The following CCDC102B variants were observed in gnomAD, a reference collection of about 807,000 sequenced individuals.
CCDC102B encodes the protein coiled-coil domain containing 102B.
Under a neutral mutation model 57.4 loss-of-function variants are expected in CCDC102B, and 75 were observed. The ratio of observed to expected loss-of-function variants is 1.31; its 90% CI spans 1.08 to 1.58. CCDC102B has a LOEUF of 1.58. CCDC102B is among the 40% of genes most tolerant of loss of function. The probability of loss-of-function intolerance (pLI) is 0.00; values close to 1 mark genes in which losing one functional copy is unlikely to be tolerated. For missense variants in CCDC102B, 636 were observed against 582.6 expected, an observed-to-expected ratio of 1.09 and a Z score of -0.94; for synonymous variants, 206 against 201.9, an observed-to-expected ratio of 1.02 and a Z score of -0.17.
In CCDC102B at chr18:68,798,138, G is replaced by C. The variant is rs1396186020; in HGVS notation, c.-59G>C. ...GCAGGAAATTCTGTTGTTTACACAT[G>C]TGGCTGCAACTGAGACACTGGAGCA... On this transcript the variant is annotated 5_prime_UTR_variant, in exon 1 of 8. It removes an upstream start codon present in the reference 5' UTR. Transcript: ENST00000360242. The C allele has an allele frequency of 6.6e-6, 1 of 152,174 alleles. No homozygotes were observed. The highest frequency in any genetic ancestry group is 1.5e-5 in the Non-Finnish European group (1 of 68,042). The allele number at this position is 152,174 out of a possible 1,614,324, so 9.4% of individuals were successfully genotyped here.
chr18:68,998,999 T>TATAG (rs2051122947), intron 6 of CCDC102B, among the ~76,000 whole-genome samples: 5 of 43,344 alleles, frequency 1.2e-4, no homozygotes, highest in African/African-American at 3.9e-4. Flanking sequence ...TATATATATA[T>TATAG]AGAGAGAGAG....
intron 5 of CCDC102B, among the ~76,000 whole-genome samples, chr18:68,880,609 A>G (rs1397554668): frequency 6.6e-6 from 1 of 152,162 alleles, no homozygotes; most frequent in Admixed American, 6.5e-5. Context: ...CAACAACTCT[A>G]CTTTCAGGGT....
At chr18:68,746,125 G>C (rs941883145) in intron 2 of CCDC102B, among the ~76,000 whole-genome samples, 7 of 152,164 alleles carry the variant, frequency 4.6e-5, no homozygotes, top group Non-Finnish European at 1.0e-4. Context: ...TGCAACGCAT[G>C]ACATCTTGTC....
At chr18:68,803,902 T>G (rs994080508) in intron 1 of CCDC102B, among the ~76,000 whole-genome samples, 1 of 152,186 alleles carries the variant, frequency 6.6e-6, no homozygotes, top group Admixed American at 6.5e-5. Flanking sequence ...AACCACTTTA[T>G]TCTGAGTTTG....
chr18:68,833,383 G>GT (rs11290357), intron 1 of CCDC102B, among the ~76,000 whole-genome samples: 44,407 of 142,282 alleles, frequency 0.31, 7,316 homozygotes, highest in Non-Finnish European at 0.39. Context: ...TGCTTTTCCT[G>GT]TTTTTTTTTT....
At chr18:68,884,002 CA>C (rs756087139) in intron 5 of CCDC102B, among the ~76,000 whole-genome samples, 5 of 151,992 alleles carry the variant, frequency 3.3e-5, no homozygotes, top group Non-Finnish European at 7.4e-5. Flanking sequence ...AGAAAAGTAT[CA>C]GTAGAAAAGA....
At chr18:69,007,793 C>T (rs932125375) in intron 6 of CCDC102B, among the ~76,000 whole-genome samples, 4 of 152,200 alleles carry the variant, frequency 2.6e-5, no homozygotes, top group African/African-American at 9.6e-5. Context: ...AACATGAATG[C>T]CAGGGCTCTG....
At chr18:68,762,186 A>G (rs1351209639) in intron 2 of CCDC102B, among the ~76,000 whole-genome samples, 1 of 152,138 alleles carries the variant, frequency 6.6e-6, no homozygotes, top group Non-Finnish European at 1.5e-5. Flanking sequence ...GTGTGCCATC[A>G]TGGGTAGCAT....
intron 6 of CCDC102B, among the ~76,000 whole-genome samples, chr18:68,910,268 G>A (rs1599674510): frequency 6.6e-6 from 1 of 152,186 alleles, no homozygotes; most frequent in East Asian, 1.9e-4. Context: ...ACTCCAGCCT[G>A]GGCAACAGAG....
chr18:68,910,800 G>A (rs1599675261), intron 6 of CCDC102B, among the ~76,000 whole-genome samples: 1 of 152,090 alleles, frequency 6.6e-6, no homozygotes, highest in South Asian at 2.1e-4. Flanking sequence ...TTCTTCTTTA[G>A]GCATTACAGT....
rs933893863 is a variant in CCDC102B at position 68,993,342 on chromosome 18, A to T, written c.1264-17592A>T. On this transcript the variant is annotated intron_variant, in intron 6 of 7. Coordinates refer to ENST00000360242, the MANE Select transcript of CCDC102B (RefSeq NM_024781.3). ...TGACCCGCACCCAAGGGACTCTGCTAACTATCAAACACAGTGAAGGCATCA... is the reference window on the plus strand; with the variant it reads ...TGACCCGCACCCAAGGGACTCTGCTTACTATCAAACACAGTGAAGGCATCA... The T allele has an allele frequency of 2.0e-5, 3 of 152,270 alleles. No individual in the cohort carries two copies. In the South Asian group the frequency reaches 6.2e-4, roughly 31 times the overall value. 9.4% of individuals were successfully genotyped at this position (152,270 alleles called of 1,614,324 possible).
At chr18:68,851,223 T>G (rs2038109231) in intron 4 of CCDC102B, among the ~76,000 whole-genome samples, 1 of 152,200 alleles carries the variant, frequency 6.6e-6, no homozygotes, top group Non-Finnish European at 1.5e-5. Flanking sequence ...AGTAGTTGAC[T>G]TCCTGGACTT....
At chr18:68,871,637 T>C (rs2039242579) in intron 4 of CCDC102B, among the ~76,000 whole-genome samples, 1 of 152,128 alleles carries the variant, frequency 6.6e-6, no homozygotes. Context: ...CTTATTATTT[T>C]TTATTTATTT....
chr18:68,911,237 A>G (rs142267189), intron 6 of CCDC102B, among the ~76,000 whole-genome samples: 2,798 of 152,332 alleles, frequency 0.018, 102 homozygotes, highest in African/African-American at 0.063. Context: ...CATACACATC[A>G]TGGAATACTA....
chr18:69,051,622 T>G (rs2052707397), intron 7 of CCDC102B, among the ~76,000 whole-genome samples: 1 of 151,978 alleles, frequency 6.6e-6, no homozygotes, highest in African/African-American at 2.4e-5. Context: ...CTATTGTATG[T>G]AAAACTTTAT....
intron 2 of CCDC102B, among the ~76,000 whole-genome samples, chr18:68,757,800 T>C (rs2034104930): frequency 6.6e-6 from 1 of 152,224 alleles, no homozygotes; most frequent in South Asian, 2.1e-4. Context: ...TTTAATGTTC[T>C]GAAGAGGAAG....
intron 6 of CCDC102B, among the ~76,000 whole-genome samples, chr18:68,925,175 A>C (rs1015757451): frequency 6.6e-6 from 1 of 152,090 alleles, no homozygotes; most frequent in South Asian, 2.1e-4. Context: ...GACAAAATGT[A>C]TTACAAAATA....
chr18:69,011,115 A>G lies in CCDC102B; in HGVS notation c.1434+11A>G. 1.2e-6 allele frequency: 2 copies of G among 1,609,664 alleles called. No homozygotes were observed. Among genetic ancestry groups the G allele is most frequent in the Non-Finnish European group, 1.7e-6 (2 of 1,177,672 alleles). On this transcript the variant is annotated intron_variant, in intron 7 of 7. Transcript: ENST00000360242. ...CAAAAAGAAGATGAGGTACTACTTT[A>G]TGAGTGAACACGTGCTGGACAGCTT...
At chr18:69,056,636 A>AATAGATAGATGGATAG (rs199709516), downstream of CCDC102B, among the ~76,000 whole-genome samples, 6 of 121,918 alleles carry the variant, frequency 4.9e-5, no homozygotes, top group East Asian at 2.4e-4. Context: ...ATAGATAGAT[A>AATAGATAGATGGATAG]ATAGATAGAT....
Sources: gnomAD v4.1 joint callset for allele counts (sites outside exome capture counted in the v4.1 genomes callset) on GRCh38, gnomAD v4.1.1 for gene constraint, MANE v1.5 for transcripts, NCBI Gene and HGNC (gene_info 2026-07-23, HGNC 2026-07-21) for gene names.